Variants in COBL observed in about 807,000 individuals in gnomAD.
The protein encoded by COBL is protein cordon-bleu.
A neutral mutation model predicts 98.8 loss-of-function variants in COBL; 51 were observed. The ratio of observed to expected loss-of-function variants is 0.52; its 90% CI spans 0.41 to 0.65. COBL has a LOEUF of 0.65. Among genes scored for constraint, COBL ranks in the 30% least tolerant of loss-of-function variants. The pLI, the probability that COBL is intolerant of heterozygous loss-of-function variation, is 0.00. For synonymous variants in COBL, 634 were observed against 651.7 expected (o/e 0.97, Z 0.41); for missense variants, 1,617 against 1,617.5 (o/e 1.00, Z 0.01).
intron 6 of COBL, among the ~76,000 whole-genome samples, chr7:51,112,930 CA>C (rs1186258916): frequency 6.6e-6 from 1 of 152,180 alleles, no homozygotes; most frequent in Non-Finnish European, 1.5e-5. Flanking sequence ...CAACCACAAA[CA>C]AAATATAAAA....
intron 1 of COBL, among the ~76,000 whole-genome samples, chr7:51,244,929 C>T (rs1428557042): frequency 2.6e-5 from 4 of 152,186 alleles, no homozygotes; most frequent in Non-Finnish European, 4.4e-5. Context: ...AAGGCTTCAC[C>T]CATTTTTTTC....
intron 6 of COBL, among the ~76,000 whole-genome samples, chr7:51,088,977 A>G (rs1276894713): frequency 1.3e-5 from 2 of 152,156 alleles, no homozygotes; most frequent in Non-Finnish European, 2.9e-5. Flanking sequence ...TAGTTCTGCC[A>G]CTGCAGGGGG....
At chr7:51,245,425 C>T (rs1796204307) in intron 1 of COBL, among the ~76,000 whole-genome samples, 1 of 152,208 alleles carries the variant, frequency 6.6e-6, no homozygotes, top group African/African-American at 2.4e-5. Context: ...TAAACACTTT[C>T]TCCACAGCTC....
chr7:51,018,150 TGTG>T (rs1055636718), intron 12 of COBL, among the ~76,000 whole-genome samples: 1 of 151,856 alleles, frequency 6.6e-6, no homozygotes, highest in Non-Finnish European at 1.5e-5. Flanking sequence ...GGTGGTTAAT[TGTG>T]GTGGTGGTGG....
In COBL at chr7:51,025,089, G is replaced by T. The variant is rs532366936; in HGVS notation, c.3768+20C>A. On this transcript the variant is annotated intron_variant, in intron 12 of 12. Coordinates refer to ENST00000265136, the MANE Select transcript of COBL (RefSeq NM_015198.5). Reference sequence around the variant, plus strand: ...CAACCCTCTGGCCCCATTGAAATGCGCACACACAGTCGCCATCACCTTTCT... The same window carrying T: ...CAACCCTCTGGCCCCATTGAAATGCTCACACACAGTCGCCATCACCTTTCT... The T allele has an allele frequency of 3.7e-6, 6 of 1,611,756 alleles. No individual in the cohort carries two copies. The Admixed American group carries it at 1.0e-4, about 27-fold the overall frequency.
intron 6 of COBL, among the ~76,000 whole-genome samples, chr7:51,101,304 G>C (rs867865027): frequency 1.3e-5 from 2 of 152,262 alleles, no homozygotes; most frequent in African/African-American, 4.8e-5. Flanking sequence ...TGTATTTAGA[G>C]ACTTCAAGCA....
rs59610375 is a variant in COBL, at chr7:51,036,336, CAAAAAAAAAAAAAAAAA to C, written c.1407-5444_1407-5428del. Among the ~76,000 whole-genome samples, 463 of 94,212 alleles carry C rather than the reference CAAAAAAAAAAAAAAAAA, an allele frequency of 4.9e-3. 18 individuals carry two copies. The South Asian group carries it at 0.07, about 14-fold the overall frequency. 61.8% of individuals were successfully genotyped at this position (94,212 alleles called of 152,430 possible). A position where few individuals can be genotyped will look rare whatever the true frequency, so the allele number is the denominator to read the frequency against. On this transcript the variant is annotated intron_variant, in intron 8 of 12. Coordinates refer to ENST00000265136, the MANE Select transcript of COBL (RefSeq NM_015198.5). ...TGGGTGACAGAGTGAGACTCCGTCT[CAAAAAAAAAAAAAAAAA>C]AAAAAAAAAAAAAGCATAGTATTTG...
chr7:51,050,858 T>C, intron 7 of COBL, among the ~76,000 whole-genome samples: 1 of 152,238 alleles, frequency 6.6e-6, no homozygotes, highest in Admixed American at 6.5e-5. Context: ...CATACTTCTG[T>C]TTCTGAGAAC....
intron 5 of COBL, among the ~76,000 whole-genome samples, chr7:51,155,460 C>T (rs1240957017): frequency 6.6e-6 from 1 of 151,584 alleles, no homozygotes; most frequent in Non-Finnish European, 1.5e-5. Context: ...CATGGTGGCA[C>T]ACACCTGTAA....
intron 6 of COBL, among the ~76,000 whole-genome samples, chr7:51,132,823 G>A (rs1429000298): frequency 6.6e-6 from 1 of 152,066 alleles, no homozygotes; most frequent in Non-Finnish European, 1.5e-5. Context: ...AGGGAGCAAG[G>A]ACGGAGGGGC....
chr7:51,205,813 A>G (rs1791643807), intron 2 of COBL, among the ~76,000 whole-genome samples: 1 of 152,190 alleles, frequency 6.6e-6, no homozygotes, highest in African/African-American at 2.4e-5. Flanking sequence ...ACAGCCACAT[A>G]TCCAATTAAG....
intron 6 of COBL, among the ~76,000 whole-genome samples, chr7:51,108,095 C>T (rs1378883604): frequency 6.6e-6 from 1 of 152,122 alleles, no homozygotes; most frequent in Non-Finnish European, 1.5e-5. Flanking sequence ...CAGGGCTCAC[C>T]CAGAGGCCAC....
At chr7:51,062,085 A>T (rs1426698882) in intron 7 of COBL, among the ~76,000 whole-genome samples, 2 of 152,194 alleles carry the variant, frequency 1.3e-5, no homozygotes, top group Admixed American at 6.5e-5. Context: ...GGGTTAAAAT[A>T]GGCCTAATTT....
intron 1 of COBL, among the ~76,000 whole-genome samples, chr7:51,231,703 G>T (rs957932368): frequency 6.6e-6 from 1 of 152,206 alleles, no homozygotes; most frequent in Non-Finnish European, 1.5e-5. Flanking sequence ...CTTAGAAGGG[G>T]CCTGAACCAG....
chr7:51,166,169 A>G (rs1160382768), intron 5 of COBL, among the ~76,000 whole-genome samples: 1 of 152,012 alleles, frequency 6.6e-6, no homozygotes, highest in Non-Finnish European at 1.5e-5. Flanking sequence ...TCAATGAAAC[A>G]AAACGTTGAT....
chr7:51,083,827 T>A (rs1430797486), intron 7 of COBL, among the ~76,000 whole-genome samples: 1 of 152,186 alleles, frequency 6.6e-6, no homozygotes, highest in East Asian at 1.9e-4. Flanking sequence ...ACACAAGGAC[T>A]CAGGCCTCCA....
intron 1 of COBL, among the ~76,000 whole-genome samples, chr7:51,272,085 T>C (rs879285973): frequency 8.5e-5 from 13 of 152,314 alleles, no homozygotes; most frequent in Non-Finnish European, 1.6e-4. Context: ...CATGGCCCTC[T>C]ATCAAAAGAT....
At chr7:51,164,519 C>A (rs1053918525) in intron 5 of COBL, among the ~76,000 whole-genome samples, 1 of 152,036 alleles carries the variant, frequency 6.6e-6, no homozygotes, top group African/African-American at 2.4e-5. Context: ...GTATATTCGG[C>A]GAAAATATCC....
intron 6 of COBL, among the ~76,000 whole-genome samples, chr7:51,097,901 G>C: frequency 6.6e-6 from 1 of 151,702 alleles, no homozygotes; most frequent in Non-Finnish European, 1.5e-5. Context: ...GCGGGCACCT[G>C]TAGTCCCAGC....
Sources: gnomAD v4.1 joint callset for allele counts (sites outside exome capture counted in the v4.1 genomes callset) on GRCh38, gnomAD v4.1.1 for gene constraint, MANE v1.5 for transcripts, NCBI Gene and HGNC (gene_info 2026-07-23, HGNC 2026-07-21) for gene names.